MBTPS2: variants seen among roughly 807,000 people sequenced by gnomAD.
MBTPS2 encodes the protein membrane bound transcription factor peptidase, site 2.
In MBTPS2, 2 loss-of-function variants were observed where a neutral mutation model predicts 35.4. The observed-to-expected ratio is 0.06, with a 90% confidence interval of 0.02 to 0.18. MBTPS2 has a LOEUF of 0.18. Ranked by LOEUF, MBTPS2 falls within the 10% of genes least tolerant of loss-of-function variation. MBTPS2 has a pLI of 1.00. For missense variants in MBTPS2, 244 were observed against 386.5 expected (o/e 0.63, Z 3.09); for synonymous variants, 125 against 140.4 (o/e 0.89, Z 0.77).
intron 4 of MBTPS2, 36 bp downstream of exon 4, chrX:21,851,648 A>G (rs752387622): frequency 1.1e-6 from 1 of 871,101 alleles, no homozygotes; most frequent in Non-Finnish European, 1.7e-6. Context: ...TACTACATGC[A>G]AAAAAAAGCT....
intron 5 of MBTPS2, among the ~76,000 whole-genome samples, chrX:21,859,415 G>T (rs766275211): frequency 5.8e-4 from 49 of 84,589 alleles, no homozygotes; most frequent in Middle Eastern, 0.011. Flanking sequence ...GCTGTATTAG[G>T]TCATGTAGTA....
chrX:21,873,573 A>G (rs956040382), intron 7 of MBTPS2, among the ~76,000 whole-genome samples: 2 of 112,037 alleles, frequency 1.8e-5, no homozygotes, highest in Non-Finnish European at 1.9e-5. Flanking sequence ...TTTGAACTAC[A>G]TTTTAAGGAG....
intron 5 of MBTPS2, among the ~76,000 whole-genome samples, chrX:21,864,212 TTTTTG>T (rs1159793670): frequency 1.8e-5 from 2 of 112,407 alleles, no homozygotes; most frequent in Non-Finnish European, 3.8e-5. Context: ...TAAATCTAGT[TTTTTG>T]TTTTGTTTTG....
intron 5 of MBTPS2, among the ~76,000 whole-genome samples, chrX:21,865,847 G>C (rs907568617): frequency 9.8e-5 from 11 of 112,089 alleles, no homozygotes; most frequent in African/African-American, 3.2e-4. Flanking sequence ...GGCTTGATTG[G>C]GGTAGCCCTT....
chrX:21,869,474 A>G, intron 6 of MBTPS2, 24 bp from the exon 7 acceptor site: 2 of 1,171,375 alleles, frequency 1.7e-6, no homozygotes, highest in Non-Finnish European at 2.3e-6. Flanking sequence ...GCATTATCTG[A>G]TTTGGTTTTA....
intron 10 of MBTPS2, among the ~76,000 whole-genome samples, chrX:21,882,154 A>G (rs1281456599): frequency 4.5e-5 from 5 of 112,089 alleles, no homozygotes; most frequent in South Asian, 3.7e-4. Flanking sequence ...TCATTAAAGG[A>G]TTAGAAAGAC....
At chrX:21,857,703 T>TA (rs11339991) in intron 5 of MBTPS2, 23,393 of 885,067 alleles carry the variant, frequency 0.026, 241 homozygotes, top group Non-Finnish European at 0.033. Context: ...CTAAGAGTTT[T>TA]AAAAAAAAAT....
In MBTPS2 at chrX:21,871,433, AT is replaced by A. The variant is rs1184561907; in HGVS notation, c.970+1761del. On this transcript the variant is annotated intron_variant, in intron 7 of 10. Transcript: ENST00000379484. Reference sequence around the variant, plus strand: ...TTCGGCAGTTATTAACATTTTGCCAATTTTTTCATCTAAGCAGTCCACTTTT... The same window carrying A: ...TTCGGCAGTTATTAACATTTTGCCAATTTTTCATCTAAGCAGTCCACTTTT... 3 of 111,579 alleles carry A rather than the reference AT, an allele frequency of 2.7e-5. No individual in the cohort carries two copies. In the East Asian group the frequency reaches 8.3e-4, roughly 31 times the overall value. The allele number at this position is 111,579 out of a possible 1,213,427, so 9.2% of individuals were successfully genotyped here.
intron 3 of MBTPS2, among the ~76,000 whole-genome samples, chrX:21,849,880 G>A (rs192133228): frequency 0.22 from 22,451 of 103,216 alleles, 2,063 homozygotes; most frequent in Non-Finnish European, 0.25. Flanking sequence ...AAAAAAATTA[G>A]CCGGGCGTGG....
At chrX:21,875,256 A>C (rs201515551) in intron 7 of MBTPS2, among the ~76,000 whole-genome samples, 1 of 112,041 alleles carries the variant, frequency 8.9e-6, no homozygotes, top group Admixed American at 9.5e-5. Context: ...TTGGCTGCCA[A>C]TGTTTAAACT....
chrX:21,869,849 ATG>A, intron 7 of MBTPS2, 171 bp downstream of exon 7: 1 of 444,332 alleles, frequency 2.3e-6, no homozygotes, highest in Non-Finnish European at 3.9e-6. Flanking sequence ...GGATGCTAAT[ATG>A]TGTTTCCTTT....
At chrX:21,858,248 T>C (rs2092926357) in intron 5 of MBTPS2, 1 of 124,031 alleles carries the variant, frequency 8.1e-6, no homozygotes, top group South Asian at 3.6e-4. Context: ...TTAATAGTAC[T>C]AGTTTAAACC....
rs548130925 is a variant in MBTPS2, at chrX:21,882,811, C to T, written c.*156C>T. On this transcript the variant is annotated 3_prime_UTR_variant, in exon 11 of 11. Transcript: ENST00000379484. ...CTGAGCTCCTCCCATATCCAGAGTA[C>T]CCAAACTCTGTGGTAGAAGATAAGC... 2.7e-4 allele frequency: 301 copies of T among 1,119,496 alleles called. 2 individuals carry two copies. The South Asian group carries it at 6.0e-3, about 22-fold the overall frequency. The allele number at this position is 1,119,496 out of a possible 1,213,427, so 92.3% of individuals were successfully genotyped here. A position where few individuals can be genotyped will look rare whatever the true frequency, so the allele number is the denominator to read the frequency against.
chrX:21,851,655 A>T (rs1393824307), intron 4 of MBTPS2, 43 bp downstream of exon 4: 11 of 903,693 alleles, frequency 1.2e-5, no homozygotes, highest in Non-Finnish European at 1.8e-5. Context: ...TGCAAAAAAA[A>T]GCTTTTCATT....
At chrX:21,876,756 C>CA (rs1269411911) in intron 7 of MBTPS2, among the ~76,000 whole-genome samples, 8 of 111,194 alleles carry the variant, frequency 7.2e-5, no homozygotes, top group African/African-American at 2.0e-4. Context: ...TAAAACAAAA[C>CA]AAAAAACTAT....
intron 5 of MBTPS2, chrX:21,857,760 A>G: frequency 1.6e-6 from 1 of 615,150 alleles, no homozygotes; most frequent in East Asian, 3.6e-5. Context: ...TAGTAAAAAT[A>G]GAATTTAAAC....
At chrX:21,872,267 G>A (rs1262038572) in intron 7 of MBTPS2, 4 of 111,927 alleles carry the variant, frequency 3.6e-5, no homozygotes, top group Admixed American at 9.5e-5. Context: ...GTTCTCTTCA[G>A]TAGGATTGTT....
At chrX:21,856,570 C>T (rs770157109) in intron 5 of MBTPS2, 1 of 1,211,639 alleles carries the variant, frequency 8.3e-7, no homozygotes, top group Admixed American at 2.2e-5. Flanking sequence ...AATGTGGAGC[C>T]CCTTCCTATG....
intron 5 of MBTPS2, among the ~76,000 whole-genome samples, chrX:21,862,869 CAT>C (rs1437093962): frequency 1.2e-4 from 9 of 76,312 alleles, no homozygotes; most frequent in Admixed American, 3.3e-4. Flanking sequence ...TATATATAAA[CAT>C]ATATAAATAT....
Sources: gnomAD v4.1 joint callset for allele counts (sites outside exome capture counted in the v4.1 genomes callset) on GRCh38, gnomAD v4.1.1 for gene constraint, MANE v1.5 for transcripts, NCBI Gene and HGNC (gene_info 2026-07-23, HGNC 2026-07-21) for gene names.